The following FUT8 variants were observed in gnomAD, a reference collection of about 807,000 sequenced individuals.
The protein encoded by FUT8 is fucosyltransferase 8, also known as alpha-(1,6)-fucosyltransferase.
Under a neutral mutation model 71.3 loss-of-function variants are expected in FUT8, and 29 were observed. That is an observed-to-expected ratio of 0.41 (90% CI 0.30 to 0.55). FUT8 has a LOEUF of 0.55. Ranked by LOEUF, FUT8 falls within the 20% of genes least tolerant of loss-of-function variation. FUT8 has a pLI of 0.34. For missense variants in FUT8, 544 were observed against 702.1 expected, an observed-to-expected ratio of 0.77 and a Z score of 2.55; for synonymous variants, 254 against 239.3, an observed-to-expected ratio of 1.06 and a Z score of -0.57.
intron 2 of FUT8, among the ~76,000 whole-genome samples, chr14:65,558,780 G>T (rs968658916): frequency 2.5e-4 from 38 of 152,018 alleles, no homozygotes; most frequent in African/African-American, 1.4e-4. Context: ...AGCTTAACTT[G>T]GTTTTCTTGA....
the FUT8 span, among the ~76,000 whole-genome samples, chr14:65,402,939 C>G: frequency 2.0e-5 from 3 of 152,168 alleles, no homozygotes; most frequent in Non-Finnish European, 4.4e-5. Flanking sequence ...AACCTTTAGT[C>G]CTTGCTTTAA....
chr14:65,577,302 G>T (rs886521001), intron 3 of FUT8, among the ~76,000 whole-genome samples: 1 of 152,008 alleles, frequency 6.6e-6, no homozygotes, highest in African/African-American at 2.4e-5. Flanking sequence ...AGATCTGATC[G>T]GTTATGCTTA....
chr14:65,514,219 A>AGT (rs34786260), intron 2 of FUT8, among the ~76,000 whole-genome samples: 102,310 of 148,374 alleles, frequency 0.69, 35,113 homozygotes, highest in East Asian at 0.89. Context: ...TCGGTTGGGC[A>AGT]GTTTCTCTAG....
chr14:65,594,150 C>T (rs1479552809), intron 3 of FUT8, among the ~76,000 whole-genome samples: 1 of 152,114 alleles, frequency 6.6e-6, no homozygotes, highest in Non-Finnish European at 1.5e-5. Context: ...GACAGGGGTG[C>T]CTCGTTTACT....
intron 2 of FUT8, among the ~76,000 whole-genome samples, chr14:65,555,283 T>C (rs1053783242): frequency 6.6e-6 from 1 of 152,196 alleles, no homozygotes; most frequent in Non-Finnish European, 1.5e-5. Context: ...TACCGAATGC[T>C]GCAGGTTTTC....
chr14:65,474,441 G>GAAAAAAAAAAAAACAAAAAAA (rs2066200202), intron 2 of FUT8, among the ~76,000 whole-genome samples: 1 of 39,698 alleles, frequency 2.5e-5, no homozygotes, highest in Non-Finnish European at 4.7e-5. Flanking sequence ...TGTCTCTACT[G>GAAAAAAAAAAAAACAAAAAAA]AAAAAAAAAA....
chr14:65,550,032 G>T lies in FUT8; in HGVS notation c.-227-11305G>T, dbSNP rs1416560918. Among the ~76,000 whole-genome samples the T allele has an allele frequency of 6.6e-6, 1 of 152,146 alleles. No individual in the cohort carries two copies. The highest frequency in any genetic ancestry group is 1.5e-5 in the Non-Finnish European group (1 of 68,038). On this transcript the variant is annotated intron_variant, in intron 2 of 10. Transcript: ENST00000673929. The surrounding 1 kb of genome is among the most constrained non-coding windows in gnomAD (Gnocchi z 4.5). The stretch of plus-strand genomic sequence containing the variant: ...GCCGAGATCTCGCCACTGCACTCCA[G>T]CCTGGGTGACAGAGCGAGACTCTGT...
chr14:65,559,662 A>G (rs1885796229), intron 2 of FUT8, among the ~76,000 whole-genome samples: 1 of 152,102 alleles, frequency 6.6e-6, no homozygotes, highest in Non-Finnish European at 1.5e-5. Flanking sequence ...TTTTTGGCTG[A>G]CGTACCGAAT....
intron 7 of FUT8, among the ~76,000 whole-genome samples, chr14:65,674,124 C>T (rs569008999): frequency 6.6e-6 from 1 of 152,136 alleles, no homozygotes; most frequent in South Asian, 2.1e-4. Flanking sequence ...ATATAATATA[C>T]ATATTAGGCT....
At chr14:65,439,794 A>C (rs2065614082) in intron 1 of FUT8, among the ~76,000 whole-genome samples, 1 of 151,782 alleles carries the variant, frequency 6.6e-6, no homozygotes, top group Admixed American at 6.6e-5. Context: ...CCATCACGTA[A>C]GTGCTGAGCA....
intron 6 of FUT8, among the ~76,000 whole-genome samples, chr14:65,664,378 G>A (rs916508746): frequency 6.6e-6 from 1 of 152,102 alleles, no homozygotes; most frequent in Non-Finnish European, 1.5e-5. Context: ...ATAGCAACAA[G>A]TGTGAGAATG....
chr14:65,568,643 A>G (rs377596395), intron 3 of FUT8, among the ~76,000 whole-genome samples: 7 of 151,112 alleles, frequency 4.6e-5, no homozygotes, highest in African/African-American at 2.4e-5. Flanking sequence ...ATTATATTCT[A>G]TATTTCAGTT....
intron 7 of FUT8, among the ~76,000 whole-genome samples, chr14:65,696,079 G>A (rs1045677889): frequency 6.6e-6 from 1 of 151,954 alleles, no homozygotes; most frequent in Non-Finnish European, 1.5e-5. Context: ...ATTCGTGTTA[G>A]TTATCCATAA....
chr14:65,616,974 G>C (rs1304099996), intron 5 of FUT8: 1 of 1,204,932 alleles, frequency 8.3e-7, no homozygotes, highest in African/African-American at 1.6e-5. Context: ...CCACAGAAAA[G>C]AAAACATTTT....
chr14:65,629,393 T>C lies in FUT8; in HGVS notation c.483-99T>C, dbSNP rs1890058770. The stretch of plus-strand genomic sequence containing the variant: ...ATGAGTACCAGTGTCAATGCGAGCA[T>C]CAATCTTTATGAGGAATCTGGCATT... On this transcript the variant is annotated intron_variant, in intron 5 of 10. Coordinates refer to ENST00000673929, the MANE Select transcript of FUT8 (RefSeq NM_001371533.1). The C allele has an allele frequency of 2.0e-5, 14 of 710,216 alleles. No individual in the cohort carries two copies. In the South Asian group the frequency reaches 2.7e-4, roughly 14 times the overall value. The allele number at this position is 710,216 out of a possible 1,614,324, so 44.0% of individuals were successfully genotyped here.
upstream of FUT8, chr14:65,411,801 CG>C: frequency 3.0e-6 from 1 of 334,730 alleles, no homozygotes; most frequent in Non-Finnish European, 5.8e-6. Context: ...TCTGATTGGC[CG>C]GCTCGCACTC....
chr14:65,393,971 T>C, the FUT8 span, among the ~76,000 whole-genome samples: 1 of 152,154 alleles, frequency 6.6e-6, no homozygotes, highest in Non-Finnish European at 1.5e-5. Flanking sequence ...ATTATTATTA[T>C]TTTAGACGGA....
At chr14:65,594,713 C>G (rs544733985) in intron 3 of FUT8, among the ~76,000 whole-genome samples, 1 of 152,022 alleles carries the variant, frequency 6.6e-6, no homozygotes. Context: ...AGAAAGGGAG[C>G]GGGAAGGGCA....
chr14:65,687,367 C>T (rs139570743), intron 7 of FUT8, among the ~76,000 whole-genome samples: 11 of 152,186 alleles, frequency 7.2e-5, no homozygotes, highest in African/African-American at 2.6e-4. Flanking sequence ...GTTAATTGGA[C>T]AGTAGTGTTA....
Sources: allele counts gnomAD v4.1 joint callset (sites outside exome capture counted in the v4.1 genomes callset), GRCh38; gene constraint gnomAD v4.1.1; non-coding constraint Gnocchi (gnomAD v3.1); transcripts MANE v1.5; gene names NCBI Gene and HGNC (gene_info 2026-07-23, HGNC 2026-07-21).